Variants in PDE4D observed in about 807,000 individuals in gnomAD.
The protein encoded by PDE4D is phosphodiesterase 4D, also known as 3',5'-cyclic-AMP phosphodiesterase 4D.
Under a neutral mutation model 87.4 loss-of-function variants are expected in PDE4D, and 24 were observed. The ratio of observed to expected loss-of-function variants is 0.27; its 90% confidence interval spans 0.20 to 0.39. The LOEUF is 0.39. Among genes scored for constraint, PDE4D ranks in the 10% least tolerant of loss-of-function variants. PDE4D has a pLI of 1.00. For synonymous variants in PDE4D, 384 were observed against 383.2 expected (o/e 1.00, Z -0.02); for missense variants, 714 against 1,041.0 (o/e 0.69, Z 4.32).
intron 1 of PDE4D, among the ~76,000 whole-genome samples, chr5:59,546,923 A>C (rs765981831): frequency 6.6e-6 from 1 of 152,164 alleles, no homozygotes; most frequent in Non-Finnish European, 1.5e-5. Flanking sequence ...TTACTCAGTT[A>C]CTAAAAGGCT....
chr5:60,023,861 A>G (rs1484036812), intron 2 of PDE4D, among the ~76,000 whole-genome samples: 1 of 152,210 alleles, frequency 6.6e-6, no homozygotes, highest in Non-Finnish European at 1.5e-5. Flanking sequence ...CTGTAATCAA[A>G]TCAAAGTGAA....
chr5:59,980,791 A>G (rs1761847234), intron 3 of PDE4D, among the ~76,000 whole-genome samples: 1 of 152,246 alleles, frequency 6.6e-6, no homozygotes. Context: ...CAGATATAGC[A>G]TAAACCTTTT....
At chr5:59,351,745 A>G (rs1780565939) in intron 1 of PDE4D, among the ~76,000 whole-genome samples, 1 of 152,176 alleles carries the variant, frequency 6.6e-6, no homozygotes, top group South Asian at 2.1e-4. Flanking sequence ...CTTTAAACCA[A>G]CATCAATTAG....
At chr5:60,121,220 T>C (rs1478889355) in intron 2 of PDE4D, among the ~76,000 whole-genome samples, 1 of 151,822 alleles carries the variant, frequency 6.6e-6, no homozygotes, top group East Asian at 1.9e-4. Context: ...TATCTCCTAT[T>C]AGTTTTGTCC....
intron 1 of PDE4D, among the ~76,000 whole-genome samples, chr5:60,242,431 A>G (rs1162012929): frequency 6.6e-6 from 1 of 152,118 alleles, no homozygotes; most frequent in Non-Finnish European, 1.5e-5. Flanking sequence ...TAGAAAATCA[A>G]CAAAGAAACA....
intron 1 of PDE4D, among the ~76,000 whole-genome samples, chr5:60,281,917 G>A (rs976185420): frequency 5.9e-5 from 9 of 151,772 alleles, no homozygotes; most frequent in African/African-American, 2.2e-4. Flanking sequence ...CATGCCTGTA[G>A]TCCCAGCTAC....
At chr5:59,023,282 T>C (rs904995044) in intron 6 of PDE4D, among the ~76,000 whole-genome samples, 1 of 152,110 alleles carries the variant, frequency 6.6e-6, no homozygotes, top group Non-Finnish European at 1.5e-5. Context: ...AAAATAGTCA[T>C]CTTTACACTT....
At chr5:60,011,419 G>A (rs1483438062) in intron 2 of PDE4D, among the ~76,000 whole-genome samples, 1 of 151,994 alleles carries the variant, frequency 6.6e-6, no homozygotes, top group Non-Finnish European at 1.5e-5. Context: ...AATAATACTT[G>A]GCAAAAACGA....
At chr5:60,375,778 T>C (rs367645745) in intron 1 of PDE4D, among the ~76,000 whole-genome samples, 11 of 152,182 alleles carry the variant, frequency 7.2e-5, no homozygotes, top group African/African-American at 2.4e-4. Flanking sequence ...TGGTGGCTCA[T>C]GCCTGTAATC....
At position 59,231,682 on chromosome 5, in the gene PDE4D, G is replaced by A. The variant is rs151261731; in HGVS notation, c.456-15714C>T. Among the ~76,000 whole-genome samples, 249 of 152,272 alleles carry A rather than the reference G, an allele frequency of 1.6e-3. 1 individual carries two copies. The highest frequency in any genetic ancestry group is 5.4e-3 in the African/African-American group (226 of 41,550). On this transcript the variant is annotated intron_variant, in intron 1 of 14. Transcript: ENST00000340635. ...TCCATCAAAGTAAACTGGAAAGTAC[G>A]TACTGAAAGTACATTAGACTTTCAA...
chr5:59,126,728 A>G (rs1196832997), intron 5 of PDE4D, among the ~76,000 whole-genome samples: 6 of 152,192 alleles, frequency 3.9e-5, no homozygotes, highest in Non-Finnish European at 7.3e-5. Context: ...TAACATTTCC[A>G]CATCTCGGAA....
intron 1 of PDE4D, among the ~76,000 whole-genome samples, chr5:60,446,290 C>T (rs970704734): frequency 6.6e-6 from 1 of 152,062 alleles, no homozygotes; most frequent in African/African-American, 2.4e-5. Context: ...AGCTCTGCAT[C>T]CTAAGGAAAT....
At chr5:59,820,248 C>G (rs773609189) in intron 1 of PDE4D, among the ~76,000 whole-genome samples, 3 of 152,204 alleles carry the variant, frequency 2.0e-5, no homozygotes, top group Non-Finnish European at 2.9e-5. Flanking sequence ...TTTCGAACTT[C>G]TGCCCACTCC....
At chr5:59,151,638 G>A (rs561118037) in intron 5 of PDE4D, among the ~76,000 whole-genome samples, 6 of 152,264 alleles carry the variant, frequency 3.9e-5, no homozygotes, top group East Asian at 1.9e-4. Context: ...AGTGACACAC[G>A]CTGTCCTAGT....
intron 5 of PDE4D, among the ~76,000 whole-genome samples, chr5:59,113,971 T>C (rs926400090): frequency 1.3e-5 from 2 of 152,186 alleles, no homozygotes; most frequent in Non-Finnish European, 2.9e-5. Flanking sequence ...AATTCTCTCC[T>C]CCCTTTCCAA....
At position 58,969,288 on chromosome 5, in the gene PDE4D, T is replaced by G. The variant is rs1427578632; in HGVS notation, c.*5376A>C. ...TCTGTGAGAAGTGTTATAAAGAAAATTGAGCAGGGTTATGAGAATAAAGCT... is the reference window on the plus strand; with the variant it reads ...TCTGTGAGAAGTGTTATAAAGAAAAGTGAGCAGGGTTATGAGAATAAAGCT... On this transcript the variant is annotated 3_prime_UTR_variant, in exon 15 of 15. Transcript: ENST00000340635. 1 of 152,040 alleles carries G rather than the reference T, an allele frequency of 6.6e-6. No individual in the cohort carries two copies. The highest frequency in any genetic ancestry group is 2.4e-5 in the African/African-American group (1 of 41,406). The allele number at this position is 152,040 out of a possible 1,614,324, so 9.4% of individuals were successfully genotyped here.
At chr5:60,386,568 G>A (rs901657457) in intron 1 of PDE4D, among the ~76,000 whole-genome samples, 10 of 152,172 alleles carry the variant, frequency 6.6e-5, no homozygotes, top group Admixed American at 6.5e-4. Context: ...CTGCAGGGGG[G>A]TTCTGCCAGC....
At chr5:60,337,398 C>CAT (rs1757903919) in intron 1 of PDE4D, among the ~76,000 whole-genome samples, 1 of 134,274 alleles carries the variant, frequency 7.4e-6, no homozygotes, top group African/African-American at 2.7e-5. Context: ...TACACACACA[C>CAT]ACACACACAT....
chr5:60,299,885 A>G (rs970074877), intron 1 of PDE4D, among the ~76,000 whole-genome samples: 2 of 152,222 alleles, frequency 1.3e-5, no homozygotes, highest in Admixed American at 6.5e-5. Flanking sequence ...TCTTTATAAT[A>G]GAATGATTTA....
Sources: allele counts gnomAD v4.1 joint callset (sites outside exome capture counted in the v4.1 genomes callset), GRCh38; gene constraint gnomAD v4.1.1; transcripts MANE v1.5; gene names NCBI Gene and HGNC (gene_info 2026-07-23, HGNC 2026-07-21).